SLC39A11: variants seen among roughly 807,000 people sequenced by gnomAD.
The protein encoded by SLC39A11 is zinc transporter ZIP11.
A neutral mutation model predicts 36.1 loss-of-function variants in SLC39A11; 33 were observed. That is an observed-to-expected ratio of 0.91 (90% CI 0.69 to 1.22). The LOEUF (loss-of-function observed/expected upper bound fraction) is 1.22. Ranked by LOEUF, SLC39A11 falls within the 50% of genes most tolerant of loss-of-function variation. SLC39A11 has a pLI of 0.00. For synonymous variants in SLC39A11, 166 were observed against 170.3 expected, an observed-to-expected ratio of 0.97 and a Z score of 0.20; for missense variants, 432 against 430.3, an observed-to-expected ratio of 1.00 and a Z score of -0.03.
chr17:73,036,380 T>C (rs1598955752), intron 3 of SLC39A11, among the ~76,000 whole-genome samples: 2 of 152,182 alleles, frequency 1.3e-5, no homozygotes, highest in African/African-American at 4.8e-5. Context: ...TTGATACAGC[T>C]GATGAACCCA....
intron 3 of SLC39A11, among the ~76,000 whole-genome samples, chr17:73,050,858 C>T (rs1436216131): frequency 2.0e-5 from 3 of 152,116 alleles, no homozygotes; most frequent in African/African-American, 4.8e-5. Context: ...AGAAAGGCCC[C>T]TTGAGGGGCA....
chr17:72,660,591 C>A (rs7223986), intron 7 of SLC39A11, among the ~76,000 whole-genome samples: 4 of 152,040 alleles, frequency 2.6e-5, no homozygotes, highest in African/African-American at 9.7e-5. Flanking sequence ...TAGGGGCGGA[C>A]GCTGCCCGAC....
intron 7 of SLC39A11, among the ~76,000 whole-genome samples, chr17:72,666,009 C>T (rs755116765): frequency 1.3e-5 from 2 of 152,166 alleles, no homozygotes; most frequent in African/African-American, 2.4e-5. Context: ...TGTGCAGATG[C>T]ACGTCTAAGA....
chr17:72,982,692 C>CTT lies in SLC39A11; in HGVS notation c.307-34819_307-34818dup, dbSNP rs57615096. 2.5e-3 allele frequency among the ~76,000 whole-genome samples: 364 copies of CTT among 147,050 alleles called. 3 individuals are homozygous for CTT. The highest frequency in any genetic ancestry group is 3.5e-3 in the Middle Eastern group (1 of 282). On this transcript the variant is annotated intron_variant, in intron 4 of 9. Coordinates refer to ENST00000255559, the MANE Select transcript of SLC39A11 (RefSeq NM_139177.4). The stretch of plus-strand genomic sequence containing the variant: ...CCATTTTTCTAATTCGTTGCCAAGT[C>CTT]TTTTTTTTTTTTAACAGCTGTCTCT...
chr17:72,842,090 G>GTC (rs1474442873), intron 6 of SLC39A11, among the ~76,000 whole-genome samples: 2 of 151,614 alleles, frequency 1.3e-5, no homozygotes, highest in African/African-American at 4.9e-5. Flanking sequence ...GTGTGTGTGT[G>GTC]TGTGTGTGTG....
chr17:72,648,307 G>T (rs1433670632), intron 9 of SLC39A11, among the ~76,000 whole-genome samples: 2 of 149,470 alleles, frequency 1.3e-5, no homozygotes, highest in South Asian at 4.3e-4. Context: ...TCCAGCCTGG[G>T]TGACAGAGCG....
At chr17:72,669,390 CAAT>C in intron 7 of SLC39A11, among the ~76,000 whole-genome samples, 1 of 152,248 alleles carries the variant, frequency 6.6e-6, no homozygotes, top group East Asian at 1.9e-4. Context: ...CCCTACTTTG[CAAT>C]AATGTTTCAG....
intron 7 of SLC39A11, among the ~76,000 whole-genome samples, chr17:72,689,351 A>G (rs1388225573): frequency 6.6e-6 from 1 of 152,240 alleles, no homozygotes; most frequent in Non-Finnish European, 1.5e-5. Context: ...ATGTGCAGCT[A>G]TAGAGGTCAT....
intron 5 of SLC39A11, among the ~76,000 whole-genome samples, chr17:72,921,663 T>C (rs940635194): frequency 1.3e-5 from 2 of 152,192 alleles, no homozygotes; most frequent in African/African-American, 4.8e-5. Context: ...CTTCTCAAAA[T>C]AGCCCCTGAT....
In SLC39A11 at chr17:72,867,550, A is replaced by C. The variant is rs1323095451; in HGVS notation, c.431-17746T>G. On this transcript the variant is annotated intron_variant, in intron 5 of 9. Coordinates refer to ENST00000255559, the MANE Select transcript of SLC39A11 (RefSeq NM_139177.4). ...AAGGGAGACACAGACAAGATACTGA[A>C]TTGAAAACTTCCAAATTAATAAAGC... 5.3e-5 allele frequency among the ~76,000 whole-genome samples: 8 copies of C among 152,292 alleles called. No individual in the cohort carries two copies. In the South Asian group the frequency reaches 1.7e-3, roughly 32 times the overall value.
At chr17:72,894,831 A>G (rs145691996) in intron 5 of SLC39A11, among the ~76,000 whole-genome samples, 8 of 152,208 alleles carry the variant, frequency 5.3e-5, no homozygotes, top group African/African-American at 1.7e-4. Flanking sequence ...GGAGTGGTCA[A>G]TTTCAGTGTG....
chr17:72,745,612 G>A (rs2074903620), intron 6 of SLC39A11, among the ~76,000 whole-genome samples: 3 of 152,190 alleles, frequency 2.0e-5, no homozygotes, highest in Admixed American at 2.0e-4. Flanking sequence ...TCTCCGCCCT[G>A]TGCCTGTACC....
chr17:72,712,531 G>A (rs1324630463), intron 7 of SLC39A11, among the ~76,000 whole-genome samples: 3 of 152,180 alleles, frequency 2.0e-5, no homozygotes, highest in Non-Finnish European at 4.4e-5. Flanking sequence ...CTTGCAGGAT[G>A]TCTTGGATCC....
chr17:72,688,808 G>C (rs1295390819), intron 7 of SLC39A11, among the ~76,000 whole-genome samples: 1 of 152,198 alleles, frequency 6.6e-6, no homozygotes, highest in Non-Finnish European at 1.5e-5. Context: ...AGGGGTCCAA[G>C]AAGAGGTGAG....
chr17:72,837,881 G>A, intron 6 of SLC39A11: 1 of 1,110,642 alleles, frequency 9.0e-7, no homozygotes, highest in South Asian at 4.8e-5. Context: ...AGGGGCTGGA[G>A]GGAGGGAGGA....
intron 5 of SLC39A11, among the ~76,000 whole-genome samples, chr17:72,910,493 A>T (rs2082921747): frequency 1.3e-5 from 2 of 151,892 alleles, no homozygotes; most frequent in African/African-American, 4.8e-5. Context: ...GCGTGGTGGC[A>T]TGCGCCTATA....
chr17:73,013,751 C>T (rs1016670871), intron 4 of SLC39A11, among the ~76,000 whole-genome samples: 2 of 151,912 alleles, frequency 1.3e-5, no homozygotes, highest in Admixed American at 6.6e-5. Context: ...TTATGTGTGG[C>T]CCAGGGAAGC....
intron 7 of SLC39A11, among the ~76,000 whole-genome samples, chr17:72,664,717 G>A (rs960337671): frequency 1.3e-5 from 2 of 152,164 alleles, no homozygotes; most frequent in African/African-American, 4.8e-5. Flanking sequence ...TTCCACTCAG[G>A]GCCAGGGCCC....
chr17:72,980,479 C>T (rs772650846), intron 4 of SLC39A11, among the ~76,000 whole-genome samples: 4 of 152,042 alleles, frequency 2.6e-5, no homozygotes, highest in African/African-American at 9.7e-5. Context: ...TTTCTGCCTA[C>T]GTTAATGTAG....
Sources: gnomAD v4.1 joint callset for allele counts (sites outside exome capture counted in the v4.1 genomes callset) on GRCh38, gnomAD v4.1.1 for gene constraint, MANE v1.5 for transcripts, NCBI Gene and HGNC (gene_info 2026-07-23, HGNC 2026-07-21) for gene names.